WNT2B: variants seen among roughly 807,000 people sequenced by gnomAD.
The protein encoded by WNT2B is protein Wnt-2b.
A neutral mutation model predicts 40.5 loss-of-function variants in WNT2B; 19 were observed. The ratio of observed to expected loss-of-function variants is 0.47; its 90% CI spans 0.33 to 0.69. The LOEUF is 0.69. Ranked by LOEUF, WNT2B falls within the 30% of genes least tolerant of loss-of-function variation. The pLI is 0.02. For missense variants in WNT2B, 467 were observed against 556.4 expected, an observed-to-expected ratio of 0.84 and a Z score of 1.62; for synonymous variants, 220 against 211.9, an observed-to-expected ratio of 1.04 and a Z score of -0.33.
Position 112,516,160 on chromosome 1 carries a change from G to T in WNT2B, c.424G>T (p.Val142Leu). ...TCTAGGTAGCCGAGAGGCAGCTTTT[G>T]TATATGCCATCTCATCAGCAGGGGT... ...MLRSSREAAF[V>L]YAISSAGVVH... Residue 142 changes from valine to leucine, a missense_variant, in exon 3 of 5, where the codon GTA becomes TTA. Transcript: ENST00000369684. 1 of 1,613,416 alleles carries T rather than the reference G, an allele frequency of 6.2e-7. No homozygotes were observed. The highest frequency in any genetic ancestry group is 8.5e-7 in the Non-Finnish European group (1 of 1,179,512).
rs144200120 is a variant in WNT2B at position 112,482,351 on chromosome 1, T to G, written c.-95+14760T>G. On this transcript the variant is annotated intron_variant, in intron 1 of 4. Coordinates refer to the WNT2B transcript ENST00000256640. The stretch of plus-strand genomic sequence containing the variant: ...AATAATAATAATCACATAAAAAAAT[T>G]TTGAGACAGAGCCTTGCTCTGTCAC... 2.5e-4 allele frequency among the ~76,000 whole-genome samples: 38 copies of G among 152,132 alleles called. 2 individuals carry two copies. The East Asian group carries it at 7.0e-3, about 28-fold the overall frequency.
At position 112,529,094 on chromosome 1, in the gene WNT2B, TC is replaced by T. The variant is rs1653939011; in HGVS notation, c.*8588del. ...GGCAATCTTATTCTTCCAAAGCAGT[TC>T]CCTGGTGCCACTTTCAGAAACAGAG... On this transcript the variant is annotated 3_prime_UTR_variant, in exon 5 of 5. Transcript: ENST00000369684. The T allele has an allele frequency of 6.6e-6, 1 of 152,222 alleles. No homozygotes were observed. Among genetic ancestry groups the T allele is most frequent in the African/African-American group, 2.4e-5 (1 of 41,448 alleles). 9.4% of individuals were successfully genotyped at this position (152,222 alleles called of 1,614,324 possible). A position where few individuals can be genotyped will look rare whatever the true frequency, so the allele number is the denominator to read the frequency against.
At chr1:112,468,717 T>G (rs555192878) in intron 1 of WNT2B, among the ~76,000 whole-genome samples, 3 of 152,274 alleles carry the variant, frequency 2.0e-5, no homozygotes, top group African/African-American at 7.2e-5. Context: ...ACCTGTTGCA[T>G]GAGTAGTTAG....
intron 1 of WNT2B, among the ~76,000 whole-genome samples, chr1:112,476,277 G>A (rs1467947289): frequency 6.6e-6 from 1 of 151,994 alleles, no homozygotes; most frequent in Non-Finnish European, 1.5e-5. Context: ...CAATATTTAT[G>A]GGACACAGAT....
In WNT2B at chr1:112,520,576, T is replaced by A; in HGVS notation, c.*67T>A. On this transcript the variant is annotated 3_prime_UTR_variant, in exon 5 of 5. Transcript: ENST00000369684. ...AACTCAAAAGCACAAGATCCTTGCA[T>A]GCACACCTTCCTCCACCCTCCACCC... The A allele has an allele frequency of 6.6e-7, 1 of 1,512,016 alleles. No homozygotes were observed. 93.7% of individuals were successfully genotyped at this position (1,512,016 alleles called of 1,614,324 possible).
Position 112,525,940 on chromosome 1 carries a change from G to A in WNT2B, c.*5431G>A. The A allele has an allele frequency of 1.9e-6, 3 of 1,598,616 alleles. No homozygotes were observed. Among genetic ancestry groups the A allele is most frequent in the South Asian group, 1.1e-5 (1 of 89,524 alleles). ...CTCACAACAACCCTGTGAGGTAGGG[G>A]TTACTGTCACTTTACAGATGCTGTT... On this transcript the variant is annotated 3_prime_UTR_variant, in exon 5 of 5. Transcript: ENST00000369684.
upstream of WNT2B, among the ~76,000 whole-genome samples, chr1:112,506,755 C>T (rs1375312617): frequency 2.0e-5 from 3 of 152,228 alleles, no homozygotes; most frequent in African/African-American, 4.8e-5. Flanking sequence ...AACTGGAGCC[C>T]ACCCGACAAA....
chr1:112,483,779 C>CA lies in WNT2B; in HGVS notation c.-95+16201dup, dbSNP rs71081241. ...ATAAGGAACTCATACAACTGAATAA[C>CA]AAAAAAAAAAAAAGAAAGAGAGAAT... On this transcript the variant is annotated intron_variant, in intron 1 of 4. Coordinates refer to the WNT2B transcript ENST00000256640. Among the ~76,000 whole-genome samples, 807 of 128,624 alleles carry CA rather than the reference C, an allele frequency of 6.3e-3. 3 individuals carry two copies. The highest frequency in any genetic ancestry group is 0.017 in the South Asian group (73 of 4,328). The allele number at this position is 128,624 out of a possible 152,430, so 84.4% of individuals were successfully genotyped here. A position where few individuals can be genotyped will look rare whatever the true frequency, so the allele number is the denominator to read the frequency against.
chr1:112,500,666 G>A (rs1651919420), intron 1 of WNT2B, among the ~76,000 whole-genome samples: 1 of 152,008 alleles, frequency 6.6e-6, no homozygotes, highest in Admixed American at 6.5e-5. Flanking sequence ...CAGCTAATCG[G>A]GAGACTGAGG....
chr1:112,491,010 G>C (rs745780586), intron 1 of WNT2B: 19 of 1,613,902 alleles, frequency 1.2e-5, no homozygotes, highest in Non-Finnish European at 1.5e-5. Flanking sequence ...TTTCCGACCA[G>C]ACTGAAGGAT....
chr1:112,477,273 A>G (rs143489962), intron 1 of WNT2B, among the ~76,000 whole-genome samples: 1 of 152,186 alleles, frequency 6.6e-6, no homozygotes, highest in African/African-American at 2.4e-5. Context: ...ATGGAGCTTT[A>G]TAGAGAGTAT....
intron 1 of WNT2B, among the ~76,000 whole-genome samples, chr1:112,483,203 CACACACACACACACACACATAT>C (rs1255191709): frequency 1.5e-4 from 20 of 131,144 alleles, no homozygotes; most frequent in African/African-American, 6.7e-4. Flanking sequence ...CACACACACA[CACACACACACACACACACATAT>C]ACACACACAC....
rs17030455 is a variant in WNT2B, at chr1:112,526,295, A to T, written c.*5786A>T. ...GTACCATGTGACCACTATACAACAT[A>T]TTCCACATTTAAACAACTCTGGCTC... On this transcript the variant is annotated 3_prime_UTR_variant, in exon 5 of 5. Coordinates refer to ENST00000369684, the MANE Select transcript of WNT2B (RefSeq NM_024494.3). The T allele has an allele frequency of 0.01, 6,464 of 622,210 alleles. 338 individuals are homozygous for T. In the African/African-American group the frequency reaches 0.1, roughly 10 times the overall value. 38.5% of individuals were successfully genotyped at this position (622,210 alleles called of 1,614,324 possible). A position where few individuals can be genotyped will look rare whatever the true frequency, so the allele number is the denominator to read the frequency against.
In WNT2B at chr1:112,508,973, G is replaced by T; in HGVS notation, c.-290G>T. 7.9e-7 allele frequency: 1 copy of T among 1,270,956 alleles called. No individual in the cohort carries two copies. Among genetic ancestry groups the T allele is most frequent in the Non-Finnish European group, 9.9e-7 (1 of 1,012,070 alleles). The allele number at this position is 1,270,956 out of a possible 1,614,324, so 78.7% of individuals were successfully genotyped here. Reference sequence around the variant, plus strand: ...GGCCGAAGGGGCTGTCCGCACACTAGGCCCGCAGCTCCCTTCAGCGCCGCA... The same window carrying T: ...GGCCGAAGGGGCTGTCCGCACACTATGCCCGCAGCTCCCTTCAGCGCCGCA... On this transcript the variant is annotated 5_prime_UTR_variant, in exon 1 of 5. It adds an upstream start codon to the 5' untranslated region. Transcript: ENST00000369684. This position sits in a 1 kb window ranked among gnomAD's most constrained non-coding sequence, Gnocchi z 4.2.
chr1:112,473,371 G>A (rs1423332828), intron 1 of WNT2B, among the ~76,000 whole-genome samples: 3 of 152,032 alleles, frequency 2.0e-5, no homozygotes, highest in South Asian at 4.2e-4. Flanking sequence ...AAAAGATTGA[G>A]TTTGGTAACT....
At position 112,529,647 on chromosome 1, in the gene WNT2B, C is replaced by CAGGGA. The variant is rs1654036324; in HGVS notation, c.*9140_*9144dup. On this transcript the variant is annotated 3_prime_UTR_variant, in exon 5 of 5. Coordinates refer to ENST00000369684, the MANE Select transcript of WNT2B (RefSeq NM_024494.3). ...CAACTTGTATAACTGGTTAAGCAAC[C>CAGGGA]AGGGAAATGTTATTGCTCAAAATGC... The CAGGGA allele has an allele frequency of 6.7e-6, 1 of 149,800 alleles. No individual in the cohort carries two copies. The highest frequency in any genetic ancestry group is 2.1e-4 in the South Asian group (1 of 4,784). 9.3% of individuals were successfully genotyped at this position (149,800 alleles called of 1,614,324 possible). A position where few individuals can be genotyped will look rare whatever the true frequency, so the allele number is the denominator to read the frequency against.
chr1:112,508,641 C>T (rs1026484428), upstream of WNT2B: 2 of 919,494 alleles, frequency 2.2e-6, no homozygotes, highest in Non-Finnish European at 2.6e-6. The surrounding 1 kb of genome is among the most constrained non-coding windows in gnomAD (Gnocchi z 4.2). Context: ...ATCCCCTTCC[C>T]GCTCCGCCAG....
At chr1:112,491,906 A>G (rs1437866560) in intron 1 of WNT2B, among the ~76,000 whole-genome samples, 1 of 152,092 alleles carries the variant, frequency 6.6e-6, no homozygotes, top group Non-Finnish European at 1.5e-5. Context: ...ATTTTTTCCA[A>G]TAAAATAATT....
At chr1:112,503,918 G>A (rs780167002) in intron 1 of WNT2B, among the ~76,000 whole-genome samples, 24 of 152,186 alleles carry the variant, frequency 1.6e-4, no homozygotes, top group African/African-American at 5.5e-4. Flanking sequence ...AAGAGGCAGC[G>A]TGAACTGAGG....
Sources: gnomAD v4.1 joint callset for allele counts (sites outside exome capture counted in the v4.1 genomes callset) on GRCh38, gnomAD v4.1.1 for gene constraint, Gnocchi (gnomAD v3.1) non-coding constraint, MANE v1.5 for transcripts, NCBI Gene and HGNC (gene_info 2026-07-23, HGNC 2026-07-21) for gene names.